The following KNSTRN variants were observed in gnomAD, a reference collection of about 807,000 sequenced individuals.
KNSTRN encodes small kinetochore-associated protein.
A neutral mutation model predicts 44.7 loss-of-function variants in KNSTRN; 38 were observed. That is an observed-to-expected ratio of 0.85 (90% CI 0.66 to 1.11). The LOEUF is 1.11. Ranked by LOEUF, KNSTRN falls within the 50% of genes most tolerant of loss-of-function variation. KNSTRN has a pLI of 0.00. For missense variants in KNSTRN, 406 were observed against 375.8 expected, an observed-to-expected ratio of 1.08 and a Z score of -0.66; for synonymous variants, 158 against 148.1, an observed-to-expected ratio of 1.07 and a Z score of -0.48.
chr15:40,384,288 G>A, intron 2 of KNSTRN: 1 of 312,766 alleles, frequency 3.2e-6, no homozygotes, highest in South Asian at 2.4e-5. Flanking sequence ...GCAGGAGAAT[G>A]GCGTGAACCC....
chr15:40,389,616 G>A lies in KNSTRN; in HGVS notation c.591+5G>A. The A allele has an allele frequency of 6.3e-7, 1 of 1,599,748 alleles. No individual in the cohort carries two copies. Among genetic ancestry groups the A allele is most frequent in the Non-Finnish European group, 8.6e-7 (1 of 1,167,004 alleles). ...CAGAAGTTGACTGAAACTCAGGTAA[G>A]AGACCCACCAGAGCTCTGTTACCAG... On this transcript the variant is annotated splice_donor_5th_base_variant and intron_variant, in intron 5 of 8. Transcript: ENST00000249776.
In KNSTRN at chr15:40,382,959, G is replaced by C. The variant is rs755367466; in HGVS notation, c.124G>C (p.Asp42His). ...RKFLFETQAA[D>H]LAGGTTVAAG... ...GTTTCTATTTGAAACCCAGGCGGCC[G>C]ACTTAGCCGGTGGCACGACAGTTGC... Residue 42 changes from aspartate (D) to histidine (H), a missense_variant, in exon 1 of 9, where the codon GAC (aspartate) becomes CAC (histidine). By Grantham distance (81) the Asp-to-His change is moderately conservative. Transcript: ENST00000249776. 3 of 1,612,144 alleles carry C rather than the reference G, an allele frequency of 1.9e-6. No individual in the cohort carries two copies. Among genetic ancestry groups the C allele is most frequent in the Non-Finnish European group, 2.5e-6 (3 of 1,180,040 alleles).
At chr15:40,391,781 A>G in intron 7 of KNSTRN, 168 bp from the exon 8 acceptor site, 2 of 670,548 alleles carry the variant, frequency 3.0e-6, no homozygotes, top group South Asian at 2.0e-5. Context: ...TAAAACACAT[A>G]ATAGGTAAAC....
intron 3 of KNSTRN, chr15:40,386,837 C>G (rs2141273451): frequency 3.8e-6 from 2 of 527,040 alleles, no homozygotes; most frequent in Non-Finnish European, 6.8e-6. Context: ...CACAGTCCAG[C>G]CCTAGTGTGT....
At chr15:40,384,451 C>A in intron 2 of KNSTRN, 1 of 455,878 alleles carries the variant, frequency 2.2e-6, no homozygotes. Context: ...TCTTGTGTTG[C>A]CGCAGAACAC....
rs748097193 is a variant in KNSTRN at position 40,393,242 on chromosome 15, C to T, written c.823-227C>T. The T allele has an allele frequency of 5.6e-5, 91 of 1,613,732 alleles. No individual in the cohort carries two copies. The Admixed American group carries it at 1.1e-3, about 20-fold the overall frequency. On this transcript the variant is annotated intron_variant, in intron 8 of 8. Transcript: ENST00000249776. Reference sequence around the variant, plus strand: ...TTGCACCAAATGTAGAGGATTTCATCGTTCCAGTTTAGATACAGGAGTCTA... The same window carrying T: ...TTGCACCAAATGTAGAGGATTTCATTGTTCCAGTTTAGATACAGGAGTCTA...
chr15:40,393,261 G>A lies in KNSTRN; in HGVS notation c.823-208G>A, dbSNP rs1255183512. 2.5e-6 allele frequency: 4 copies of A among 1,613,536 alleles called. No individual in the cohort carries two copies. In the Admixed American group the frequency reaches 5.0e-5, roughly 20 times the overall value. On this transcript the variant is annotated intron_variant, in intron 8 of 8. Transcript: ENST00000249776. ...TTTCATCGTTCCAGTTTAGATACAG[G>A]AGTCTAGTCCCTCTCTACTACTAGA... is the stretch of plus-strand genomic sequence containing the variant.
At chr15:40,393,231 G>A in intron 8 of KNSTRN, 1 of 1,613,918 alleles carries the variant, frequency 6.2e-7, no homozygotes, top group East Asian at 2.2e-5. Flanking sequence ...ACCAAATGTA[G>A]AGGATTTCAT....
At chr15:40,389,426 C>T in intron 4 of KNSTRN, 80 bp from the exon 5 acceptor site, 1 of 1,016,628 alleles carries the variant, frequency 9.8e-7, no homozygotes, top group Non-Finnish European at 1.5e-6. Flanking sequence ...GCTGGGATTA[C>T]AGGCATGAGC....
chr15:40,390,588 G>A (rs1283201793), intron 6 of KNSTRN, among the ~76,000 whole-genome samples: 1 of 152,064 alleles, frequency 6.6e-6, no homozygotes, highest in East Asian at 1.9e-4. Context: ...GAATGTTACT[G>A]GTTAATCTTT....
At position 40,382,787 on chromosome 15, in the gene KNSTRN, A is replaced by T. The variant is rs756332395; in HGVS notation, c.-49A>T. The T allele has an allele frequency of 6.5e-7, 1 of 1,548,090 alleles. No homozygotes were observed. The highest frequency in any genetic ancestry group is 8.8e-7 in the Non-Finnish European group (1 of 1,136,842). On this transcript the variant is annotated 5_prime_UTR_variant, in exon 1 of 9. Transcript: ENST00000249776. ...TCTGCCCAGACCTGGGGGCTCCAAC[A>T]CCTTTCGCTAGGTCTGGCTCTGGCC...
chr15:40,383,309 CG>C lies in KNSTRN; in HGVS notation c.293del (p.Gly98AlafsTer44). ...SLQPPSALSG[G>X]QPADTQTRAT... ...TGCAGCCCCCCTCTGCGCTGAGCGG[CG>C]GCCAGCCGGCAGGTGAGGGTCCAAG... On this transcript the variant is annotated frameshift_variant, in exon 2 of 9. Transcript: ENST00000249776. LOFTEE classifies it high-confidence loss of function. 6.2e-7 allele frequency: 1 copy of C among 1,611,476 alleles called. No homozygotes were observed.
chr15:40,387,901 A>G (rs1050015085), intron 4 of KNSTRN, among the ~76,000 whole-genome samples: 5 of 152,116 alleles, frequency 3.3e-5, no homozygotes, highest in African/African-American at 9.7e-5. Flanking sequence ...CCAGCTACTC[A>G]GGAGGCTGAG....
chr15:40,393,123 C>T (rs1005554923), intron 8 of KNSTRN: 4 of 1,515,218 alleles, frequency 2.6e-6, no homozygotes, highest in Non-Finnish European at 1.8e-6. Flanking sequence ...GTAATCCATT[C>T]TATGGAAACT....
intron 3 of KNSTRN, chr15:40,386,954 G>A: frequency 1.7e-6 from 1 of 598,860 alleles, no homozygotes; most frequent in Non-Finnish European, 3.0e-6. Flanking sequence ...GTGGTCGGAG[G>A]CATGCCCCTT....
intron 8 of KNSTRN, 147 bp from the exon 9 acceptor site, chr15:40,393,322 T>C (rs1363942733): frequency 6.2e-7 from 1 of 1,605,396 alleles, no homozygotes; most frequent in Admixed American, 1.7e-5. Flanking sequence ...AGAAATAAAA[T>C]CTAAAATAGA....
rs776491834 is a variant in KNSTRN, at chr15:40,392,065, G to C, written c.822+42G>C. 2.3e-6 allele frequency: 3 copies of C among 1,327,146 alleles called. No individual in the cohort carries two copies. In the Admixed American group the frequency reaches 6.9e-5, roughly 30 times the overall value. 82.2% of individuals were successfully genotyped at this position (1,327,146 alleles called of 1,614,324 possible). On this transcript the variant is annotated intron_variant, in intron 8 of 8. Transcript: ENST00000249776. ...ACCCTGACCATTTCCTACCATGATA[G>C]GTAGATTTATAGTGGGGTCTTTTCT...
At chr15:40,392,764 C>A (rs1890022086) in intron 8 of KNSTRN, among the ~76,000 whole-genome samples, 1 of 152,132 alleles carries the variant, frequency 6.6e-6, no homozygotes, top group South Asian at 2.1e-4. Flanking sequence ...GCATTTGCGA[C>A]CATGACCGGC....
chr15:40,390,069 C>A, intron 6 of KNSTRN, 140 bp downstream of exon 6: 1 of 657,870 alleles, frequency 1.5e-6, no homozygotes, highest in Non-Finnish European at 2.7e-6. Flanking sequence ...TTTTGGAAAG[C>A]TTCTGTTTGT....
Sources: allele counts gnomAD v4.1 joint callset (sites outside exome capture counted in the v4.1 genomes callset), GRCh38; gene constraint gnomAD v4.1.1; transcripts MANE v1.5; gene names NCBI Gene and HGNC (gene_info 2026-07-23, HGNC 2026-07-21).